RBMS3: variants seen among roughly 807,000 people sequenced by gnomAD.
The protein encoded by RBMS3 is RNA-binding motif, single-stranded-interacting protein 3.
RBMS3 carries 27 observed loss-of-function variants against 66.8 expected under a neutral mutation model. That is an observed-to-expected ratio of 0.40 (90% CI 0.30 to 0.56). RBMS3 has a LOEUF of 0.56. Ranked by LOEUF, RBMS3 falls within the 20% of genes least tolerant of loss-of-function variation. RBMS3 has a pLI of 0.40. For synonymous variants in RBMS3, 188 were observed against 183.0 expected (o/e 1.03, Z -0.22); for missense variants, 513 against 549.5 (o/e 0.93, Z 0.66).
chr3:29,615,164 A>G (rs78857115), intron 4 of RBMS3: 2,838 of 152,582 alleles, frequency 0.019, 37 homozygotes, highest in Admixed American at 0.028. Flanking sequence ...TTCCTGCCAC[A>G]TTTTGATAAC....
At chr3:29,907,792 T>A (rs1204383420) in intron 10 of RBMS3, among the ~76,000 whole-genome samples, 10 of 152,078 alleles carry the variant, frequency 6.6e-5, no homozygotes, top group Admixed American at 5.9e-4. Context: ...TAAATAGCAT[T>A]AAAAAAATCT....
chr3:29,636,038 ATGTGTGTGTGTGTGTGTG>A (rs10565409), intron 4 of RBMS3, among the ~76,000 whole-genome samples: 2 of 145,224 alleles, frequency 1.4e-5, no homozygotes, highest in African/African-American at 5.0e-5. Context: ...GTCATCAAGA[ATGTGTGTGTGTGTGTGTG>A]TGTGTGTGTG....
At chr3:29,680,007 C>T (rs530556142) in intron 4 of RBMS3, among the ~76,000 whole-genome samples, 2 of 152,142 alleles carry the variant, frequency 1.3e-5, no homozygotes, top group African/African-American at 2.4e-5. Flanking sequence ...TGATAAAATA[C>T]CTTTGTGTTG....
chr3:29,587,924 C>A (rs2047590895), intron 4 of RBMS3, among the ~76,000 whole-genome samples: 1 of 151,898 alleles, frequency 6.6e-6, no homozygotes, highest in African/African-American at 2.4e-5. Context: ...TATTTACAAT[C>A]CTTTTGTGTC....
chr3:30,009,901 T>C lies in RBMS3; in HGVS notation c.*6039T>C, dbSNP rs2125414565. The stretch of plus-strand genomic sequence containing the variant: ...ATCTCTTCATATATAAAAAAATAAG[T>C]TATTCCATGCTTTTCAGGAACTGTA... On this transcript the variant is annotated 3_prime_UTR_variant, in exon 15 of 15. Coordinates refer to ENST00000383767, the MANE Select transcript of RBMS3 (RefSeq NM_001003793.3). 1 of 152,286 alleles carries C rather than the reference T, an allele frequency of 6.6e-6. No individual in the cohort carries two copies. The highest frequency in any genetic ancestry group is 2.1e-4 in the South Asian group (1 of 4,824). The allele number at this position is 152,286 out of a possible 1,614,324, so 9.4% of individuals were successfully genotyped here.
At chr3:29,397,563 T>A (rs1396396024) in intron 1 of RBMS3, among the ~76,000 whole-genome samples, 1 of 152,060 alleles carries the variant, frequency 6.6e-6, no homozygotes, top group Admixed American at 6.6e-5. Flanking sequence ...TGAGACTAAC[T>A]TTAACCCTAA....
intron 1 of RBMS3, among the ~76,000 whole-genome samples, chr3:29,329,142 G>A (rs765807945): frequency 4.6e-5 from 7 of 152,080 alleles, no homozygotes; most frequent in Non-Finnish European, 4.4e-5. Flanking sequence ...TCCATAACAT[G>A]TATTTTTTGC....
chr3:29,294,091 G>T (rs2033049836), intron 1 of RBMS3, among the ~76,000 whole-genome samples: 1 of 151,738 alleles, frequency 6.6e-6, no homozygotes, highest in Non-Finnish European at 1.5e-5. Context: ...TGAATGCCCT[G>T]CAATGTATAG....
chr3:29,591,854 T>C (rs2149101057), intron 4 of RBMS3, among the ~76,000 whole-genome samples: 1 of 152,268 alleles, frequency 6.6e-6, no homozygotes, highest in East Asian at 1.9e-4. Context: ...TAAGACTTCA[T>C]CAGGTGTACT....
intron 6 of RBMS3, among the ~76,000 whole-genome samples, chr3:29,815,096 T>TTTC (rs1346321887): frequency 6.6e-6 from 1 of 152,160 alleles, no homozygotes; most frequent in Non-Finnish European, 1.5e-5. Flanking sequence ...TTACCTTCAT[T>TTTC]TTCTTTCTCC....
intron 2 of RBMS3, among the ~76,000 whole-genome samples, chr3:29,452,029 G>T (rs1385789658): frequency 6.6e-6 from 1 of 152,144 alleles, no homozygotes; most frequent in Non-Finnish European, 1.5e-5. Flanking sequence ...ATTAGGCCAT[G>T]GACTTTCAGA....
intron 4 of RBMS3, among the ~76,000 whole-genome samples, chr3:29,634,981 G>C (rs1223124308): frequency 6.6e-6 from 1 of 151,866 alleles, no homozygotes; most frequent in Non-Finnish European, 1.5e-5. Context: ...ACTCTAAATA[G>C]AAGCATTTCT....
chr3:29,763,195 G>T (rs1234325262), intron 6 of RBMS3, among the ~76,000 whole-genome samples: 4 of 152,014 alleles, frequency 2.6e-5, no homozygotes, highest in African/African-American at 9.7e-5. Flanking sequence ...AATCTCTGCT[G>T]CTAACTTTCT....
Position 29,847,807 on chromosome 3 carries a change from C to T in RBMS3, c.638-21051C>T, listed in dbSNP as rs910333442. Among the ~76,000 whole-genome samples, 10 of 152,218 alleles carry T rather than the reference C, an allele frequency of 6.6e-5. No individual in the cohort carries two copies. The South Asian group carries it at 1.7e-3, about 25-fold the overall frequency. On this transcript the variant is annotated intron_variant, in intron 6 of 14. Coordinates refer to ENST00000383767, the MANE Select transcript of RBMS3 (RefSeq NM_001003793.3). ...AGTAGCTGGGACTACAGGCGCTCGC[C>T]GTCACGCCCGGCTAATTTTCTTGTG...
chr3:29,448,419 T>C (rs531879922), intron 2 of RBMS3, among the ~76,000 whole-genome samples: 7 of 152,362 alleles, frequency 4.6e-5, no homozygotes, highest in African/African-American at 1.7e-4. Context: ...AGGGATTTGC[T>C]GTCGGTCTTT....
chr3:29,323,146 C>T (rs148251940), intron 1 of RBMS3, among the ~76,000 whole-genome samples: 3 of 152,236 alleles, frequency 2.0e-5, no homozygotes, highest in East Asian at 3.9e-4. Context: ...TAATCTCCAC[C>T]TTTGAAGGTG....
intron 12 of RBMS3, among the ~76,000 whole-genome samples, chr3:29,956,628 T>G (rs1696062872): frequency 6.6e-6 from 1 of 152,104 alleles, no homozygotes; most frequent in Non-Finnish European, 1.5e-5. Context: ...GATGCCTGAA[T>G]TTTCTCTCAC....
At chr3:29,735,055 T>C (rs1004610919) in intron 4 of RBMS3, among the ~76,000 whole-genome samples, 2 of 152,252 alleles carry the variant, frequency 1.3e-5, no homozygotes, top group Admixed American at 1.3e-4. Context: ...TAAAATTGTG[T>C]TCTACTAATA....
intron 1 of RBMS3, among the ~76,000 whole-genome samples, chr3:29,420,958 A>AAG (rs942176640): frequency 7.1e-6 from 1 of 140,526 alleles, no homozygotes; most frequent in African/African-American, 2.5e-5. Context: ...AAAAAAAAAA[A>AAG]AAAAATTAAC....
Sources: allele counts gnomAD v4.1 joint callset (sites outside exome capture counted in the v4.1 genomes callset), GRCh38; gene constraint gnomAD v4.1.1; transcripts MANE v1.5; gene names NCBI Gene and HGNC (gene_info 2026-07-23, HGNC 2026-07-21).